CNTNAP2: variants seen among roughly 807,000 people sequenced by gnomAD.
CNTNAP2 encodes the protein contactin associated protein 2.
In CNTNAP2, 98 loss-of-function variants were observed where a neutral mutation model predicts 155.2. That is an observed-to-expected ratio of 0.63 (90% CI 0.54 to 0.75). The LOEUF (loss-of-function observed/expected upper bound fraction) is 0.75. Ranked by LOEUF, CNTNAP2 falls within the 30% of genes least tolerant of loss-of-function variation. CNTNAP2 has a pLI of 0.00. For synonymous variants in CNTNAP2, 651 were observed against 631.2 expected (o/e 1.03, Z -0.47); for missense variants, 1,727 against 1,688.1 (o/e 1.02, Z -0.40).
At chr7:146,783,235 T>TA (rs1448171275) in intron 2 of CNTNAP2, among the ~76,000 whole-genome samples, 1 of 152,146 alleles carries the variant, frequency 6.6e-6, no homozygotes, top group Admixed American at 6.5e-5. Context: ...AAGCCTCATA[T>TA]AAAAAATTGT....
chr7:147,797,227 C>A (rs112997871), intron 13 of CNTNAP2, among the ~76,000 whole-genome samples: 3,575 of 152,232 alleles, frequency 0.023, 126 homozygotes, highest in African/African-American at 0.082. Context: ...AAAAAACTAT[C>A]TGAGACACCT....
At chr7:147,464,725 T>C (rs1452138123) in intron 10 of CNTNAP2, among the ~76,000 whole-genome samples, 3 of 152,192 alleles carry the variant, frequency 2.0e-5, no homozygotes, top group Non-Finnish European at 4.4e-5. Context: ...TTTAAAAATT[T>C]AAAGCAACAG....
chr7:147,709,007 C>T (rs1796361190), intron 13 of CNTNAP2, among the ~76,000 whole-genome samples: 1 of 152,110 alleles, frequency 6.6e-6, no homozygotes, highest in Non-Finnish European at 1.5e-5. Flanking sequence ...GTAATATGAT[C>T]CAGACACAGA....
rs139480673 is a variant in CNTNAP2 at position 147,179,514 on chromosome 7, C to T, written c.1348+47005C>T. Among the ~76,000 whole-genome samples, 23 of 152,258 alleles carry T rather than the reference C, an allele frequency of 1.5e-4. No individual in the cohort carries two copies. The East Asian group carries it at 4.2e-3, about 28-fold the overall frequency. On this transcript the variant is annotated intron_variant, in intron 8 of 23. Coordinates refer to ENST00000361727, the MANE Select transcript of CNTNAP2 (RefSeq NM_014141.6). ...TAGGAACAAATGGTTGACCTGTACA[C>T]CCAGGCTTGGCATGTGAGTGAGAAT...
intron 11 of CNTNAP2, among the ~76,000 whole-genome samples, chr7:147,496,197 T>G (rs745720362): frequency 1.2e-3 from 189 of 152,166 alleles, no homozygotes; most frequent in Non-Finnish European, 2.3e-3. Context: ...AATAAATGTA[T>G]GTACTTGAAT....
chr7:147,934,832 A>G (rs1800575828), intron 14 of CNTNAP2, among the ~76,000 whole-genome samples: 1 of 152,192 alleles, frequency 6.6e-6, no homozygotes, highest in Non-Finnish European at 1.5e-5. Context: ...CCTATTCACA[A>G]TATGTGTAGT....
At chr7:148,182,574 AC>A (rs1795056970) in intron 18 of CNTNAP2, among the ~76,000 whole-genome samples, 1 of 152,218 alleles carries the variant, frequency 6.6e-6, no homozygotes. Flanking sequence ...CAAGCCTGAG[AC>A]TATAATGCTA....
At chr7:146,410,601 G>A (rs1795852219) in intron 1 of CNTNAP2, among the ~76,000 whole-genome samples, 1 of 152,040 alleles carries the variant, frequency 6.6e-6, no homozygotes. Context: ...CATCACCTAG[G>A]TATTAAGCCT....
chr7:148,414,110 C>A (rs113460970), intron 23 of CNTNAP2, among the ~76,000 whole-genome samples: 4 of 96,512 alleles, frequency 4.1e-5, no homozygotes, highest in South Asian at 8.6e-4. Flanking sequence ...CCCCCCCCCC[C>A]CCCTCACACA....
intron 13 of CNTNAP2, among the ~76,000 whole-genome samples, chr7:147,823,839 C>A (rs892676566): frequency 6.6e-6 from 1 of 152,042 alleles, no homozygotes; most frequent in Non-Finnish European, 1.5e-5. Context: ...GTAAAGTTCT[C>A]TTTTATTTAT....
intron 1 of CNTNAP2, among the ~76,000 whole-genome samples, chr7:146,623,945 G>T (rs1045284656): frequency 3.3e-5 from 5 of 152,020 alleles, no homozygotes; most frequent in Non-Finnish European, 7.4e-5. Context: ...GTGGATGTTC[G>T]CCATTCTAGT....
chr7:146,950,468 C>T (rs775204832), intron 3 of CNTNAP2, among the ~76,000 whole-genome samples: 6 of 152,022 alleles, frequency 3.9e-5, no homozygotes, highest in East Asian at 1.9e-4. Context: ...CAACAGGCAC[C>T]GATGTGTGAT....
chr7:147,405,355 A>G (rs560726091), intron 10 of CNTNAP2, among the ~76,000 whole-genome samples: 39 of 152,292 alleles, frequency 2.6e-4, no homozygotes, highest in African/African-American at 8.4e-4. Flanking sequence ...GTTTTTGTCA[A>G]TTACTTGAAT....
intron 2 of CNTNAP2, among the ~76,000 whole-genome samples, chr7:146,790,052 T>G (rs1386796189): frequency 6.6e-6 from 1 of 152,042 alleles, no homozygotes; most frequent in African/African-American, 2.4e-5. Flanking sequence ...TTTCATTTTG[T>G]TGTTGTTTAG....
At chr7:148,066,983 T>A (rs2116522388) in intron 15 of CNTNAP2, among the ~76,000 whole-genome samples, 1 of 152,324 alleles carries the variant, frequency 6.6e-6, no homozygotes, top group South Asian at 2.1e-4. Context: ...TGTATTTCTC[T>A]AGAGATTTTT....
chr7:146,759,711 A>AAAAG (rs1309834469), intron 1 of CNTNAP2, among the ~76,000 whole-genome samples: 37 of 60,750 alleles, frequency 6.1e-4, no homozygotes, highest in Non-Finnish European at 5.8e-4. Flanking sequence ...AAAAAAAAAA[A>AAAAG]GGTGGGTGGG....
chr7:147,545,484 C>T (rs1381589465), intron 11 of CNTNAP2, among the ~76,000 whole-genome samples: 1 of 152,164 alleles, frequency 6.6e-6, no homozygotes, highest in East Asian at 1.9e-4. Flanking sequence ...AAATTAAGTG[C>T]TTAAAACAAC....
At chr7:147,040,795 A>G (rs1158162588) in intron 3 of CNTNAP2, among the ~76,000 whole-genome samples, 1 of 152,080 alleles carries the variant, frequency 6.6e-6, no homozygotes, top group Non-Finnish European at 1.5e-5. Context: ...TTTTTAAAGA[A>G]AAGCCAGATG....
chr7:147,644,432 C>A (rs1344785750), intron 13 of CNTNAP2, among the ~76,000 whole-genome samples: 1 of 152,060 alleles, frequency 6.6e-6, no homozygotes, highest in African/African-American at 2.4e-5. Context: ...ACCAGCCTGG[C>A]CAACATGGTG....
Sources: gnomAD v4.1 joint callset for allele counts (sites outside exome capture counted in the v4.1 genomes callset) on GRCh38, gnomAD v4.1.1 for gene constraint, MANE v1.5 for transcripts, NCBI Gene and HGNC (gene_info 2026-07-23, HGNC 2026-07-21) for gene names.